TUSC3: variants seen among roughly 807,000 people sequenced by gnomAD.
TUSC3 encodes the protein tumor suppressor candidate 3, also known as dolichyl-diphosphooligosaccharide--protein glycosyltransferase subunit TUSC3.
A neutral mutation model predicts 44.8 loss-of-function variants in TUSC3; 45 were observed. The ratio of observed to expected loss-of-function variants is 1.00; its 90% CI spans 0.79 to 1.29. The LOEUF is 1.29. TUSC3 is among the 50% of genes most tolerant of loss of function. The pLI, the probability that TUSC3 is intolerant of heterozygous loss-of-function variation, is 0.00. For synonymous variants in TUSC3, 212 were observed against 152.9 expected, an observed-to-expected ratio of 1.39 and a Z score of -2.85; for missense variants, 519 against 437.9, an observed-to-expected ratio of 1.19 and a Z score of -1.65.
At chr8:15,705,147 G>A (rs539904622) in intron 6 of TUSC3, among the ~76,000 whole-genome samples, 4 of 151,198 alleles carry the variant, frequency 2.6e-5, no homozygotes, top group East Asian at 3.9e-4. Flanking sequence ...CCTTCTTAAC[G>A]GCAGGAATTA....
At chr8:15,607,522 T>C (rs1011894382) in intron 1 of TUSC3, among the ~76,000 whole-genome samples, 2 of 152,196 alleles carry the variant, frequency 1.3e-5, no homozygotes, top group Non-Finnish European at 2.9e-5. Flanking sequence ...CAAACAATTG[T>C]CATTAAGTAA....
chr8:15,797,202 G>A, the TUSC3 span, among the ~76,000 whole-genome samples: 3 of 152,322 alleles, frequency 2.0e-5, no homozygotes, highest in East Asian at 3.9e-4. Flanking sequence ...TCAGTTCGCT[G>A]AACAGCTTTC....
At chr8:15,566,875 C>G (rs1563293281) in intron 1 of TUSC3, among the ~76,000 whole-genome samples, 1 of 152,070 alleles carries the variant, frequency 6.6e-6, no homozygotes, top group Non-Finnish European at 1.5e-5. Context: ...TCCAGTTATC[C>G]TGCGGCTTCG....
chr8:15,830,284 C>T, the TUSC3 span, among the ~76,000 whole-genome samples: 29 of 152,218 alleles, frequency 1.9e-4, no homozygotes, highest in East Asian at 2.5e-3. Context: ...TCCACATAAT[C>T]TCTTTAAGTC....
At chr8:15,553,488 G>T (rs767995419) in intron 1 of TUSC3, among the ~76,000 whole-genome samples, 2 of 96,094 alleles carry the variant, frequency 2.1e-5, no homozygotes, top group Non-Finnish European at 4.5e-5. Flanking sequence ...TTTGGACTTT[G>T]CTGCTGGAGG....
At chr8:15,674,549 C>G (rs1241564342) in intron 6 of TUSC3, among the ~76,000 whole-genome samples, 1 of 151,818 alleles carries the variant, frequency 6.6e-6, no homozygotes, top group Non-Finnish European at 1.5e-5. Context: ...GCTTCTTGTA[C>G]CCATCACTAG....
chr8:15,524,012 C>T (rs916653460), intron 2 of TUSC3, among the ~76,000 whole-genome samples: 17 of 148,016 alleles, frequency 1.1e-4, no homozygotes, highest in African/African-American at 3.5e-4. Flanking sequence ...CCTGAGATTG[C>T]GCCACTGCAC....
chr8:15,573,385 C>T (rs1050035546), intron 1 of TUSC3, among the ~76,000 whole-genome samples: 6 of 151,670 alleles, frequency 4.0e-5, no homozygotes, highest in African/African-American at 1.2e-4. Flanking sequence ...GGCAGTTAAG[C>T]TGTTCCTACA....
intron 2 of TUSC3, among the ~76,000 whole-genome samples, chr8:15,517,340 C>G (rs1176340453): frequency 6.6e-6 from 1 of 151,968 alleles, no homozygotes; most frequent in Non-Finnish European, 1.5e-5. Context: ...CGTACCTCAT[C>G]ACGCTGAATT....
In TUSC3 at chr8:15,502,623, T is replaced by G. The variant is rs562527038; in HGVS notation, n.189+19140T>G. Among the ~76,000 whole-genome samples, 5 of 152,328 alleles carry G rather than the reference T, an allele frequency of 3.3e-5. No homozygotes were observed. In the South Asian group the frequency reaches 1.0e-3, roughly 32 times the overall value. On this transcript the variant is annotated intron_variant and non_coding_transcript_variant, in intron 2 of 5. Coordinates refer to the TUSC3 transcript ENST00000503191. ...GTCCTGTCTCAGCCTCCCAAGTAGC[T>G]GGGACTACAGGAACCCACCACCACA...
At chr8:15,769,311 G>C (rs1253328670), downstream of TUSC3, among the ~76,000 whole-genome samples, 1 of 152,044 alleles carries the variant, frequency 6.6e-6, no homozygotes, top group Non-Finnish European at 1.5e-5. Flanking sequence ...TCACAAACTT[G>C]ACAAAAACAA....
chr8:15,792,363 C>T, the TUSC3 span, among the ~76,000 whole-genome samples: 1 of 152,108 alleles, frequency 6.6e-6, no homozygotes, highest in Non-Finnish European at 1.5e-5. Flanking sequence ...GCTGATGTTA[C>T]TGAGTGGCCA....
At chr8:15,721,822 G>T (rs1023526208) in intron 6 of TUSC3, among the ~76,000 whole-genome samples, 1 of 151,868 alleles carries the variant, frequency 6.6e-6, no homozygotes, top group Non-Finnish European at 1.5e-5. Flanking sequence ...CTTCATCTAG[G>T]TTATATTTTT....
At chr8:15,508,375 G>A (rs1413607824) in intron 2 of TUSC3, among the ~76,000 whole-genome samples, 1 of 151,934 alleles carries the variant, frequency 6.6e-6, no homozygotes, top group Non-Finnish European at 1.5e-5. Context: ...AAGATCTCAG[G>A]GAGGGAGAAA....
intron 1 of TUSC3, among the ~76,000 whole-genome samples, chr8:15,458,126 G>A (rs1190508194): frequency 6.6e-6 from 1 of 152,086 alleles, no homozygotes; most frequent in Non-Finnish European, 1.5e-5. Context: ...TAGGATGATG[G>A]TTATGTCTAG....
At chr8:15,535,431 T>C (rs1801507812), upstream of TUSC3, among the ~76,000 whole-genome samples, 1 of 152,152 alleles carries the variant, frequency 6.6e-6, no homozygotes, top group South Asian at 2.1e-4. Context: ...ATCTACTCAT[T>C]CAACAAGTGC....
chr8:15,755,706 G>T (rs186182386), intron 9 of TUSC3, among the ~76,000 whole-genome samples: 2 of 151,968 alleles, frequency 1.3e-5, no homozygotes, highest in East Asian at 3.9e-4. Context: ...GAGCCTAAAG[G>T]CCATTACTAA....
chr8:15,562,963 C>T (rs528294851), intron 1 of TUSC3, among the ~76,000 whole-genome samples: 4 of 151,912 alleles, frequency 2.6e-5, no homozygotes, highest in African/African-American at 9.7e-5. Flanking sequence ...TGTGGGAGCG[C>T]TGTTCTGCTA....
chr8:15,461,764 GA>G (rs1185655510), intron 1 of TUSC3, among the ~76,000 whole-genome samples: 1 of 150,432 alleles, frequency 6.6e-6, no homozygotes, highest in East Asian at 1.9e-4. Flanking sequence ...AGAAAAAAAA[GA>G]AAAAATGAAG....
Sources: allele counts gnomAD v4.1 joint callset (sites outside exome capture counted in the v4.1 genomes callset), GRCh38; gene constraint gnomAD v4.1.1; transcripts MANE v1.5; gene names NCBI Gene and HGNC (gene_info 2026-07-23, HGNC 2026-07-21).